The following CFAP299 variants were observed in gnomAD, a reference collection of about 807,000 sequenced individuals.
CFAP299 encodes cilia and flagella associated protein 299, also known as cilia- and flagella-associated protein 299.
Under a neutral mutation model 27.0 loss-of-function variants are expected in CFAP299, and 21 were observed. The ratio of observed to expected loss-of-function variants is 0.78; its 90% CI spans 0.55 to 1.12. CFAP299 has a LOEUF of 1.12. CFAP299 is among the 50% of genes most tolerant of loss of function. CFAP299 has a pLI of 0.00. For synonymous variants in CFAP299, 104 were observed against 98.1 expected, an observed-to-expected ratio of 1.06 and a Z score of -0.36; for missense variants, 310 against 276.6, an observed-to-expected ratio of 1.12 and a Z score of -0.86.
intron 3 of CFAP299, among the ~76,000 whole-genome samples, chr4:80,729,473 G>A (rs973870993): frequency 2.0e-5 from 3 of 152,092 alleles, no homozygotes; most frequent in South Asian, 2.1e-4. Context: ...TAAAAAGACC[G>A]TGGCTTCCTT....
chr4:80,926,065 A>T (rs1301243939), intron 4 of CFAP299, among the ~76,000 whole-genome samples: 1 of 152,060 alleles, frequency 6.6e-6, no homozygotes, highest in Admixed American at 6.6e-5. Flanking sequence ...TATTTGAAGG[A>T]TGTGCAGAAC....
chr4:80,955,981 G>T (rs1201170847), intron 5 of CFAP299, among the ~76,000 whole-genome samples: 1 of 152,106 alleles, frequency 6.6e-6, no homozygotes, highest in Non-Finnish European at 1.5e-5. Flanking sequence ...TCCAGCCTGG[G>T]GGAAAGAATG....
intron 2 of CFAP299, among the ~76,000 whole-genome samples, chr4:80,459,733 A>T (rs996310353): frequency 4.6e-5 from 7 of 152,202 alleles, no homozygotes; most frequent in Admixed American, 4.6e-4. Flanking sequence ...GACATCTGGA[A>T]ATCTAACTGG....
intron 2 of CFAP299, among the ~76,000 whole-genome samples, chr4:80,511,006 A>C (rs989038651): frequency 6.6e-6 from 1 of 152,134 alleles, no homozygotes; most frequent in African/African-American, 2.4e-5. Context: ...TCTGAGAAGA[A>C]ACTTATTCAG....
At chr4:80,613,562 CA>C (rs1401902554) in intron 3 of CFAP299, among the ~76,000 whole-genome samples, 1 of 152,098 alleles carries the variant, frequency 6.6e-6, no homozygotes, top group Admixed American at 6.6e-5. Context: ...TCTCCTTCAC[CA>C]AAATTTCAGC....
chr4:80,644,957 C>T (rs1219247128), intron 3 of CFAP299, among the ~76,000 whole-genome samples: 1 of 152,130 alleles, frequency 6.6e-6, no homozygotes, highest in African/African-American at 2.4e-5. Flanking sequence ...TCATACCCGC[C>T]TTCTTGTAAG....
chr4:80,511,563 A>G (rs951142085), intron 2 of CFAP299, among the ~76,000 whole-genome samples: 2 of 152,120 alleles, frequency 1.3e-5, no homozygotes, highest in African/African-American at 4.8e-5. Context: ...TGACACTTTA[A>G]TATTTTTTGT....
chr4:80,945,461 G>T (rs1249508424), intron 5 of CFAP299, among the ~76,000 whole-genome samples: 1 of 152,070 alleles, frequency 6.6e-6, no homozygotes, highest in African/African-American at 2.4e-5. Flanking sequence ...TTTTGAATTT[G>T]TTCAAAGAAA....
intron 3 of CFAP299, among the ~76,000 whole-genome samples, chr4:80,631,558 A>G (rs1014633099): frequency 6.6e-6 from 1 of 152,080 alleles, no homozygotes; most frequent in Non-Finnish European, 1.5e-5. Context: ...TATAATTTTA[A>G]CAGCTCCAAT....
intron 2 of CFAP299, among the ~76,000 whole-genome samples, chr4:80,378,559 T>A (rs1242348467): frequency 1.3e-5 from 2 of 152,078 alleles, no homozygotes; most frequent in African/African-American, 4.8e-5. Context: ...TTGTAGATAC[T>A]GTTTATCAGT....
Position 80,800,640 on chromosome 4 carries a change from A to G in CFAP299, c.334-69353A>G, listed in dbSNP as rs1453464666. The stretch of plus-strand genomic sequence containing the variant: ...ATATAATATATTAATATAAATATAT[A>G]ATATATTAATATATATATGATATAT... On this transcript the variant is annotated intron_variant, in intron 3 of 5. Coordinates refer to ENST00000358105, the MANE Select transcript of CFAP299 (RefSeq NM_152770.3). 7.2e-4 allele frequency among the ~76,000 whole-genome samples: 71 copies of G among 98,604 alleles called. 1 individual carries two copies. The highest frequency in any genetic ancestry group is 4.0e-3 in the East Asian group (16 of 4,042). The allele number at this position is 98,604 out of a possible 152,430, so 64.7% of individuals were successfully genotyped here.
intron 4 of CFAP299, among the ~76,000 whole-genome samples, chr4:80,929,018 T>G (rs1039742500): frequency 2.6e-5 from 4 of 152,134 alleles, no homozygotes; most frequent in African/African-American, 9.7e-5. Flanking sequence ...ATTTTTCTAA[T>G]TCCCATCAAA....
chr4:80,904,953 A>C (rs1322235976), intron 4 of CFAP299, among the ~76,000 whole-genome samples: 1 of 152,222 alleles, frequency 6.6e-6, no homozygotes, highest in East Asian at 1.9e-4. Context: ...TTAGAATATG[A>C]ATAAAAAGTG....
chr4:80,669,145 CTTTCTTTTTTTTTTTT>C (rs1741319928), intron 3 of CFAP299, among the ~76,000 whole-genome samples: 5 of 16,430 alleles, frequency 3.0e-4, no homozygotes, highest in African/African-American at 5.0e-4. Context: ...TTCTTTCTTT[CTTTCTTTTTTTTTTTT>C]TTTTTTTTTT....
At chr4:80,739,594 C>T (rs1306021464) in intron 3 of CFAP299, among the ~76,000 whole-genome samples, 1 of 151,816 alleles carries the variant, frequency 6.6e-6, no homozygotes, top group African/African-American at 2.4e-5. Context: ...TTTCTTTTCT[C>T]TTGCTAATTT....
At chr4:80,873,068 T>C in intron 4 of CFAP299, 3 of 872,760 alleles carry the variant, frequency 3.4e-6, no homozygotes, top group Non-Finnish European at 2.7e-6. Context: ...ATATACTGTC[T>C]TATAGGATAT....
At chr4:80,389,484 G>T (rs1197108571) in intron 2 of CFAP299, among the ~76,000 whole-genome samples, 1 of 152,162 alleles carries the variant, frequency 6.6e-6, no homozygotes, top group Non-Finnish European at 1.5e-5. Context: ...CCAAGCAAGA[G>T]ACCTGTGCTT....
intron 3 of CFAP299, among the ~76,000 whole-genome samples, chr4:80,680,446 A>G (rs543364838): frequency 6.6e-6 from 1 of 152,240 alleles, no homozygotes; most frequent in South Asian, 2.1e-4. Context: ...CTTTGTTTTC[A>G]TATTTTCATC....
intron 3 of CFAP299, among the ~76,000 whole-genome samples, chr4:80,593,138 G>C (rs1433980038): frequency 6.6e-6 from 1 of 152,096 alleles, no homozygotes; most frequent in South Asian, 2.1e-4. Context: ...ATTGGCAGGT[G>C]CTATTCTTTG....
Sources: gnomAD v4.1 joint callset for allele counts (sites outside exome capture counted in the v4.1 genomes callset) on GRCh38, gnomAD v4.1.1 for gene constraint, MANE v1.5 for transcripts, NCBI Gene and HGNC (gene_info 2026-07-23, HGNC 2026-07-21) for gene names.